The following ANGPTL5 variants were observed in gnomAD, a reference collection of about 807,000 sequenced individuals.
ANGPTL5 encodes angiopoietin like 5, also known as angiopoietin-related protein 5.
A neutral mutation model predicts 39.4 loss-of-function variants in ANGPTL5; 34 were observed. The observed-to-expected ratio is 0.86, with a 90% confidence interval of 0.66 to 1.15. ANGPTL5 has a LOEUF of 1.15. Ranked by LOEUF, ANGPTL5 falls within the 50% of genes most tolerant of loss-of-function variation. The pLI is 0.00. For synonymous variants in ANGPTL5, 146 were observed against 152.1 expected, an observed-to-expected ratio of 0.96 and a Z score of 0.29; for missense variants, 467 against 457.5, an observed-to-expected ratio of 1.02 and a Z score of -0.19.
chr11:101,911,152 C>T (rs1444944528), intron 1 of ANGPTL5, among the ~76,000 whole-genome samples: 13 of 89,324 alleles, frequency 1.5e-4, no homozygotes, highest in Non-Finnish European at 2.7e-4. Flanking sequence ...GAGACAGAGC[C>T]TTGCTCTGTC....
Position 101,914,182 on chromosome 11 carries a change from T to C in ANGPTL5, c.-93+1837A>G, listed in dbSNP as rs1940143052. 2.0e-5 allele frequency among the ~76,000 whole-genome samples: 3 copies of C among 152,360 alleles called. No homozygotes were observed. In the South Asian group the frequency reaches 6.2e-4, roughly 32 times the overall value. Reference sequence around the variant, plus strand: ...TTGAATGGTGGGTGAATAATCTTTATTTGGTCTGTACTTTCTGCTTCCAAT... The same window carrying C: ...TTGAATGGTGGGTGAATAATCTTTACTTGGTCTGTACTTTCTGCTTCCAAT... On this transcript the variant is annotated intron_variant, in intron 1 of 8. Transcript: ENST00000334289.
intron 5 of ANGPTL5, 38 bp from the exon 6 acceptor site, chr11:101,902,759 A>AT (rs775124841): frequency 7.4e-7 from 1 of 1,342,464 alleles, no homozygotes; most frequent in East Asian, 2.3e-5. Context: ...ATATTTTCAA[A>AT]TGTACATTTA....
At chr11:101,895,749 T>C (rs533411484) in intron 7 of ANGPTL5, among the ~76,000 whole-genome samples, 2 of 152,282 alleles carry the variant, frequency 1.3e-5, no homozygotes, top group African/African-American at 4.8e-5. Context: ...TGCATACATA[T>C]TCTAGCCAAT....
rs1218218778 is a variant in ANGPTL5 at position 101,897,992 on chromosome 11, G to A, written c.661+2438C>T. On this transcript the variant is annotated intron_variant, in intron 7 of 8. Coordinates refer to ENST00000334289, the MANE Select transcript of ANGPTL5 (RefSeq NM_178127.5). The stretch of plus-strand genomic sequence containing the variant: ...TAATCCCAGCACTTTGGGAGGCCGA[G>A]GCAGGTGGATCACCTGAGGTCAGAA... 2.0e-5 allele frequency among the ~76,000 whole-genome samples: 3 copies of A among 152,130 alleles called. No individual in the cohort carries two copies. In the East Asian group the frequency reaches 5.8e-4, roughly 29 times the overall value.
At position 101,913,314 on chromosome 11, in the gene ANGPTL5, CAT is replaced by C. The variant is rs148939795; in HGVS notation, c.-93+2703_-93+2704del. Among the ~76,000 whole-genome samples the C allele has an allele frequency of 2.8e-3, 422 of 152,336 alleles. 1 individual carries two copies. Among genetic ancestry groups the C allele is most frequent in the African/African-American group, 9.6e-3 (401 of 41,570 alleles). Reference sequence around the variant, plus strand: ...TCTCCAGCCCAAAATGAACATGGGTCATATGTTACTGTTTGTTCAATATACAT... The same window carrying C: ...TCTCCAGCCCAAAATGAACATGGGTCATGTTACTGTTTGTTCAATATACAT... On this transcript the variant is annotated intron_variant, in intron 1 of 8. Coordinates refer to ENST00000334289, the MANE Select transcript of ANGPTL5 (RefSeq NM_178127.5).
intron 7 of ANGPTL5, among the ~76,000 whole-genome samples, chr11:101,898,921 G>C (rs552231805): frequency 3.0e-4 from 45 of 152,270 alleles, no homozygotes; most frequent in African/African-American, 8.4e-4. Context: ...TTCGTCATTG[G>C]TTCTGTTTAT....
intron 8 of ANGPTL5, 50 bp downstream of exon 8, chr11:101,894,829 G>T (rs1939762380): frequency 1.4e-6 from 2 of 1,462,380 alleles, no homozygotes; most frequent in Non-Finnish European, 1.9e-6. Flanking sequence ...TTAATAATGA[G>T]TCAGTTATAA....
At chr11:101,912,697 C>G (rs1940109767) in intron 1 of ANGPTL5, among the ~76,000 whole-genome samples, 1 of 152,110 alleles carries the variant, frequency 6.6e-6, no homozygotes, top group South Asian at 2.1e-4. Context: ...GAAATAAAAT[C>G]CTAAGCCCCC....
At chr11:101,900,847 T>A (rs997863058) in intron 6 of ANGPTL5, among the ~76,000 whole-genome samples, 1 of 151,522 alleles carries the variant, frequency 6.6e-6, no homozygotes, top group East Asian at 1.9e-4. Flanking sequence ...TATTTGCAGC[T>A]TTTTTTTCCC....
chr11:101,907,320 G>C (rs1382634338), intron 2 of ANGPTL5, 73 bp from the exon 3 acceptor site: 1 of 957,418 alleles, frequency 1.0e-6, no homozygotes, highest in East Asian at 2.8e-5. Context: ...TAATAAAAAA[G>C]ACTATAGAGA....
At chr11:101,905,435 C>T (rs1370637705) in intron 4 of ANGPTL5, among the ~76,000 whole-genome samples, 1 of 152,138 alleles carries the variant, frequency 6.6e-6, no homozygotes, top group East Asian at 1.9e-4. Flanking sequence ...AACATTTATT[C>T]ATCCTTCATG....
chr11:101,898,533 G>GCTTATCA (rs1164372951), intron 7 of ANGPTL5, among the ~76,000 whole-genome samples: 2 of 152,154 alleles, frequency 1.3e-5, no homozygotes, highest in African/African-American at 4.8e-5. Flanking sequence ...ATCAGTTTAA[G>GCTTATCA]GAACTTTGAG....
At chr11:101,910,780 T>A (rs958590972) in intron 1 of ANGPTL5, among the ~76,000 whole-genome samples, 1 of 152,136 alleles carries the variant, frequency 6.6e-6, no homozygotes, top group Non-Finnish European at 1.5e-5. Context: ...TCTTGCCACC[T>A]CCACTGCTAC....
At chr11:101,910,972 T>A (rs77273926) in intron 1 of ANGPTL5, among the ~76,000 whole-genome samples, 1,804 of 152,204 alleles carry the variant, frequency 0.012, 17 homozygotes, top group Non-Finnish European at 0.021. Flanking sequence ...AAAGTTGGAT[T>A]TTACATTAAG....
chr11:101,900,040 C>T (rs138097786), intron 7 of ANGPTL5, among the ~76,000 whole-genome samples: 8 of 152,202 alleles, frequency 5.3e-5, no homozygotes, highest in Admixed American at 2.0e-4. Context: ...TACCTCAATT[C>T]GCCATTTCAT....
chr11:101,903,601 G>C (rs142522786), intron 5 of ANGPTL5, among the ~76,000 whole-genome samples: 13 of 152,216 alleles, frequency 8.5e-5, no homozygotes, highest in Non-Finnish European at 1.6e-4. Flanking sequence ...CAAAAAGTTA[G>C]CTATAAAAAG....
intron 1 of ANGPTL5, among the ~76,000 whole-genome samples, chr11:101,908,496 A>G (rs1372744360): frequency 1.3e-5 from 2 of 152,138 alleles, no homozygotes; most frequent in African/African-American, 4.8e-5. Flanking sequence ...CCAAATCTCA[A>G]CGCTGGGCGC....
At chr11:101,901,315 G>A (rs78796590) in intron 6 of ANGPTL5, among the ~76,000 whole-genome samples, 37 of 135,420 alleles carry the variant, frequency 2.7e-4, no homozygotes, top group African/African-American at 7.8e-4. Context: ...CACTGGGGGT[G>A]GGGGGGTGTG....
intron 5 of ANGPTL5, among the ~76,000 whole-genome samples, chr11:101,904,083 A>T (rs1300434269): frequency 6.6e-6 from 1 of 152,178 alleles, no homozygotes; most frequent in Non-Finnish European, 1.5e-5. Flanking sequence ...CCTGACTACC[A>T]CATTATGCCT....
Sources: gnomAD v4.1 joint callset for allele counts (sites outside exome capture counted in the v4.1 genomes callset) on GRCh38, gnomAD v4.1.1 for gene constraint, MANE v1.5 for transcripts, NCBI Gene and HGNC (gene_info 2026-07-23, HGNC 2026-07-21) for gene names.